The following TIMP2 variants were observed in gnomAD, a reference collection of about 807,000 sequenced individuals.
TIMP2 encodes the protein TIMP metallopeptidase inhibitor 2.
TIMP2 carries 5 observed loss-of-function variants against 24.3 expected under a neutral mutation model. The observed-to-expected ratio is 0.21, with a 90% CI of 0.11 to 0.43. The LOEUF (loss-of-function observed/expected upper bound fraction) is 0.43. Ranked by LOEUF, TIMP2 falls within the 20% of genes least tolerant of loss-of-function variation. The pLI is 1.00. For synonymous variants in TIMP2, 130 were observed against 123.2 expected, an observed-to-expected ratio of 1.06 and a Z score of -0.37; for missense variants, 221 against 297.5, an observed-to-expected ratio of 0.74 and a Z score of 1.89.
intron 1 of TIMP2, among the ~76,000 whole-genome samples, chr17:78,913,590 A>G (rs1470158274): frequency 6.6e-6 from 1 of 152,182 alleles, no homozygotes; most frequent in Non-Finnish European, 1.5e-5. Context: ...ATGGTCCCAT[A>G]GTTCCAGCTA....
Position 78,924,696 on chromosome 17 carries a change from G to C in TIMP2, c.130+263C>G, listed in dbSNP as rs1322219324. Among the ~76,000 whole-genome samples the C allele has an allele frequency of 6.6e-6, 1 of 152,184 alleles. No homozygotes were observed. The highest frequency in any genetic ancestry group is 2.4e-5 in the African/African-American group (1 of 41,458). On this transcript the variant is annotated intron_variant, in intron 1 of 4. Coordinates refer to ENST00000262768, the MANE Select transcript of TIMP2 (RefSeq NM_003255.5). This position sits in a 1 kb window ranked among gnomAD's most constrained non-coding sequence, Gnocchi z 5.3. ...AAAGCCAAACTGGCTCCCTTTCCTG[G>C]GGCTGGAGCTGCGGCGGAATTTCGG... is the stretch of plus-strand genomic sequence containing the variant.
At position 78,853,341 on chromosome 17, in the gene TIMP2, A is replaced by G. The variant is rs1192776515; in HGVS notation, c.*2326T>C. The stretch of plus-strand genomic sequence containing the variant: ...TAGAACATAACATATAAATTAAACG[A>G]TGCCAAATGGAGAGCCTTCTTAAAC... On this transcript the variant is annotated 3_prime_UTR_variant, in exon 5 of 5. Transcript: ENST00000262768. 1 of 152,622 alleles carries G rather than the reference A, an allele frequency of 6.6e-6. No homozygotes were observed. Among genetic ancestry groups the G allele is most frequent in the African/African-American group, 2.4e-5 (1 of 41,450 alleles). The allele number at this position is 152,622 out of a possible 1,614,324, so 9.5% of individuals were successfully genotyped here.
chr17:78,891,641 A>T lies in TIMP2; in HGVS notation c.131-17722T>A. The T allele has an allele frequency of 6.4e-7, 1 of 1,550,876 alleles. No homozygotes were observed. The highest frequency in any genetic ancestry group is 8.7e-7 in the Non-Finnish European group (1 of 1,147,086). ...AGAGCGACTGGTCAGGGCTGGAACA[A>T]AGCAAACTGCCCCCTTTCCCAGTTG... On this transcript the variant is annotated intron_variant, in intron 1 of 4. Transcript: ENST00000262768. This position sits in a 1 kb window ranked among gnomAD's most constrained non-coding sequence, Gnocchi z 4.5.
At chr17:78,878,767 G>A (rs1174826893) in intron 1 of TIMP2, among the ~76,000 whole-genome samples, 4 of 152,160 alleles carry the variant, frequency 2.6e-5, no homozygotes, top group Non-Finnish European at 5.9e-5. Flanking sequence ...GCCTGGAGGA[G>A]CAGAGCCTGA....
intron 1 of TIMP2, among the ~76,000 whole-genome samples, chr17:78,879,661 C>T (rs2069761255): frequency 1.3e-5 from 2 of 152,174 alleles, no homozygotes; most frequent in Non-Finnish European, 2.9e-5. Context: ...CACGGCCTCT[C>T]CCTGGGCGTC....
Position 78,891,018 on chromosome 17 carries a change from C to T in TIMP2, c.131-17099G>A. On this transcript the variant is annotated intron_variant, in intron 1 of 4. Transcript: ENST00000262768. The surrounding 1 kb of genome is among the most constrained non-coding windows in gnomAD (Gnocchi z 4.5). ...CTTTGCCTGGATGCCGTCGAGCCCA[C>T]TCTGTCTGCCTGGTCTTGAAGGTGG... is the stretch of plus-strand genomic sequence containing the variant. The T allele has an allele frequency of 1.3e-6, 2 of 1,551,228 alleles. No individual in the cohort carries two copies. The highest frequency in any genetic ancestry group is 1.7e-6 in the Non-Finnish European group (2 of 1,147,144).
intron 3 of TIMP2, among the ~76,000 whole-genome samples, chr17:78,865,219 G>A (rs2069601036): frequency 6.6e-6 from 1 of 152,162 alleles, no homozygotes; most frequent in African/African-American, 2.4e-5. Flanking sequence ...GGTTGTCAGG[G>A]GCTGGGCAAA....
intron 1 of TIMP2, among the ~76,000 whole-genome samples, chr17:78,874,749 T>G (rs1162299955): frequency 6.6e-6 from 1 of 151,694 alleles, no homozygotes; most frequent in Non-Finnish European, 1.5e-5. Flanking sequence ...GGTTAATTTT[T>G]TTTTTTTTTC....
chr17:78,857,691 C>T, intron 3 of TIMP2, 45 bp from the exon 4 acceptor site: 2 of 1,611,874 alleles, frequency 1.2e-6, no homozygotes, highest in Non-Finnish European at 1.7e-6. Context: ...AGGGAAAAGT[C>T]CTCCTCCTGC....
intron 1 of TIMP2, among the ~76,000 whole-genome samples, chr17:78,875,956 G>C (rs1052552267): frequency 6.6e-6 from 1 of 152,190 alleles, no homozygotes; most frequent in Non-Finnish European, 1.5e-5. Flanking sequence ...TTGGAGCTGA[G>C]TCATGACTGG....
intron 1 of TIMP2, chr17:78,890,488 G>T: frequency 1.1e-6 from 1 of 896,748 alleles, no homozygotes; most frequent in Non-Finnish European, 1.6e-6. Context: ...TTACAGGCGT[G>T]CGCCACTGCA....
chr17:78,868,585 A>G (rs1244167871), intron 3 of TIMP2, among the ~76,000 whole-genome samples: 2 of 152,098 alleles, frequency 1.3e-5, no homozygotes, highest in East Asian at 3.9e-4. Flanking sequence ...TTGTGATCAG[A>G]TTCCTACTTC....
At chr17:78,921,503 C>T (rs1456662856) in intron 1 of TIMP2, among the ~76,000 whole-genome samples, 3 of 152,242 alleles carry the variant, frequency 2.0e-5, no homozygotes, top group African/African-American at 4.8e-5. Context: ...CAGCCCGAGT[C>T]TGCCAAGTAG....
intron 1 of TIMP2, among the ~76,000 whole-genome samples, chr17:78,911,795 C>G (rs1232227670): frequency 6.7e-6 from 1 of 149,482 alleles, no homozygotes; most frequent in African/African-American, 2.5e-5. Flanking sequence ...CCTATAATCC[C>G]AATACTTTGG....
At chr17:78,874,416 A>G (rs1477009944) in intron 1 of TIMP2, among the ~76,000 whole-genome samples, 2 of 152,146 alleles carry the variant, frequency 1.3e-5, no homozygotes, top group Non-Finnish European at 2.9e-5. Context: ...GCCACGGCCT[A>G]TTGGAAACAA....
chr17:78,889,128 C>G (rs1268410363), intron 1 of TIMP2, among the ~76,000 whole-genome samples: 1 of 152,242 alleles, frequency 6.6e-6, no homozygotes, highest in Non-Finnish European at 1.5e-5. Context: ...TGCAGTAGAG[C>G]TGGGTAATTA....
chr17:78,883,918 T>C (rs28726211), intron 1 of TIMP2, among the ~76,000 whole-genome samples: 1 of 152,216 alleles, frequency 6.6e-6, no homozygotes, highest in Admixed American at 6.5e-5. Context: ...GCAGGTCTCA[T>C]GCCAGAGCCT....
chr17:78,877,996 G>A lies in TIMP2; in HGVS notation c.131-4077C>T, dbSNP rs147048029. On this transcript the variant is annotated intron_variant, in intron 1 of 4. Transcript: ENST00000262768. Reference sequence around the variant, plus strand: ...GCTGGGATTACAGGCATGAGCTACCGCGCCCGGCCTTGGAGCTGCCTTTCA... The same window carrying A: ...GCTGGGATTACAGGCATGAGCTACCACGCCCGGCCTTGGAGCTGCCTTTCA... Among the ~76,000 whole-genome samples, 640 of 152,214 alleles carry A rather than the reference G, an allele frequency of 4.2e-3. 5 individuals carry two copies. Among genetic ancestry groups the A allele is most frequent in the African/African-American group, 0.014 (599 of 41,530 alleles).
At chr17:78,900,766 T>TA (rs1016315397) in intron 1 of TIMP2, among the ~76,000 whole-genome samples, 1 of 151,922 alleles carries the variant, frequency 6.6e-6, no homozygotes, top group African/African-American at 2.4e-5. Flanking sequence ...TCTTACAAGA[T>TA]AAAAAAAGGT....
Sources: gnomAD v4.1 joint callset for allele counts (sites outside exome capture counted in the v4.1 genomes callset) on GRCh38, gnomAD v4.1.1 for gene constraint, Gnocchi (gnomAD v3.1) non-coding constraint, MANE v1.5 for transcripts, NCBI Gene and HGNC (gene_info 2026-07-23, HGNC 2026-07-21) for gene names.